The following DHX57 variants were observed in gnomAD, a reference collection of about 807,000 sequenced individuals.
DHX57 encodes the protein DExH-box helicase 57, also known as putative ATP-dependent RNA helicase DHX57.
DHX57 carries 105 observed loss-of-function variants against 156.2 expected under a neutral mutation model. That is an observed-to-expected ratio of 0.67 (90% confidence interval 0.57 to 0.79). DHX57 has a LOEUF of 0.79. Among genes scored for constraint, DHX57 ranks in the 30% least tolerant of loss-of-function variants. The pLI is 0.00. For synonymous variants in DHX57, 704 were observed against 595.6 expected (o/e 1.18, Z -2.65); for missense variants, 1,847 against 1,661.9 (o/e 1.11, Z -1.94).
In DHX57 at chr2:38,861,681, C is replaced by G; in HGVS notation, c.729G>C (p.Glu243Asp). Residue 243 changes from glutamate (E) to aspartate (D), a missense_variant, in exon 5 of 24, where the codon GAG becomes GAC. Physicochemically the swap from Glu to Asp is conservative, Grantham distance 45 (BLOSUM62 2). Transcript: ENST00000457308. ...CCTCTTCCTGTCGCTGTTCCATACA[C>G]TCATCCAAGCTTATCTGGTTGACTG... ...SEAVNQISLDECMEQRQEEAF... is the reference protein window; with the variant it reads ...SEAVNQISLDDCMEQRQEEAF... 6.2e-7 allele frequency: 1 copy of G among 1,614,196 alleles called. No individual in the cohort carries two copies. Among genetic ancestry groups the G allele is most frequent in the Non-Finnish European group, 8.5e-7 (1 of 1,180,040 alleles).
intron 20 of DHX57, among the ~76,000 whole-genome samples, chr2:38,814,306 C>CA (rs1034271819): frequency 1.7e-4 from 25 of 151,206 alleles, no homozygotes; most frequent in Non-Finnish European, 2.1e-4. Flanking sequence ...TATCTTAAAG[C>CA]AAAAAAAAGA....
At chr2:38,847,849 C>T (rs1299312553) in intron 10 of DHX57, among the ~76,000 whole-genome samples, 2 of 151,844 alleles carry the variant, frequency 1.3e-5, no homozygotes, top group Non-Finnish European at 2.9e-5. Flanking sequence ...TTTGGGAGGC[C>T]GAGGCGGGCA....
chr2:38,834,315 G>C (rs1028067458), intron 13 of DHX57, among the ~76,000 whole-genome samples: 1 of 94,000 alleles, frequency 1.1e-5, no homozygotes, highest in African/African-American at 4.1e-5. Flanking sequence ...TGGTCAACAA[G>C]AGCAAAACTC....
chr2:38,875,190 C>T (rs1362031436), intron 1 of DHX57, among the ~76,000 whole-genome samples: 1 of 152,220 alleles, frequency 6.6e-6, no homozygotes, highest in Non-Finnish European at 1.5e-5. Context: ...GTATAATCCA[C>T]GTGGTTAGAT....
Position 38,805,793 on chromosome 2 carries a change from T to C in DHX57, c.3816+766A>G, listed in dbSNP as rs17576741. Among the ~76,000 whole-genome samples the C allele has an allele frequency of 2.1e-3, 312 of 152,184 alleles. 15 individuals are homozygous for C. In the East Asian group the frequency reaches 0.056, roughly 27 times the overall value. ...ACTAAAAGACTTCTAGCTGATGTTTTCCAGCAGGAGAGCTCAGAAAAAAAC... is the reference window on the plus strand; with the variant it reads ...ACTAAAAGACTTCTAGCTGATGTTTCCCAGCAGGAGAGCTCAGAAAAAAAC... On this transcript the variant is annotated intron_variant, in intron 22 of 23. Transcript: ENST00000457308.
rs148847883 is a variant in DHX57 at position 38,875,420 on chromosome 2, C to A, written c.-7+367G>T. 2.0e-5 allele frequency among the ~76,000 whole-genome samples: 3 copies of A among 152,252 alleles called. No individual in the cohort carries two copies. The East Asian group carries it at 5.8e-4, about 29-fold the overall frequency. ...CTCGTATCCTTTTTCGAACTCACATCGTCCCCACCCTTCTCCCCAAAAAAG... is the reference window on the plus strand; with the variant it reads ...CTCGTATCCTTTTTCGAACTCACATAGTCCCCACCCTTCTCCCCAAAAAAG... On this transcript the variant is annotated intron_variant, in intron 1 of 23. Coordinates refer to ENST00000457308, the MANE Select transcript of DHX57 (RefSeq NM_198963.3).
At chr2:38,875,497 A>G (rs1456652509) in intron 1 of DHX57, among the ~76,000 whole-genome samples, 1 of 152,144 alleles carries the variant, frequency 6.6e-6, no homozygotes, top group East Asian at 1.9e-4. Flanking sequence ...TCAACCCCTT[A>G]GCCTGCTCCA....
chr2:38,808,986 A>C (rs1308233809), intron 21 of DHX57, among the ~76,000 whole-genome samples: 1 of 151,954 alleles, frequency 6.6e-6, no homozygotes, highest in East Asian at 1.9e-4. Context: ...GTGGCTATAC[A>C]CAGGCACAGT....
intron 23 of DHX57, among the ~76,000 whole-genome samples, chr2:38,802,292 T>C (rs1669718819): frequency 6.6e-6 from 1 of 151,424 alleles, no homozygotes; most frequent in Admixed American, 6.6e-5. Context: ...CATTCACTTT[T>C]TTTTTTTTTT....
intron 17 of DHX57, among the ~76,000 whole-genome samples, chr2:38,819,602 C>T (rs758390361): frequency 3.5e-4 from 54 of 152,168 alleles, no homozygotes; most frequent in South Asian, 6.2e-4. Flanking sequence ...GCAATTATGA[C>T]GGTAAATGGC....
At chr2:38,800,185 CAAAAA>C (rs55726914) in intron 23 of DHX57, among the ~76,000 whole-genome samples, 1 of 93,484 alleles carries the variant, frequency 1.1e-5, no homozygotes, top group Admixed American at 1.2e-4. Flanking sequence ...AACTCCATCT[CAAAAA>C]AAAAAAAAAA....
At chr2:38,838,507 C>G (rs12623330) in intron 12 of DHX57, among the ~76,000 whole-genome samples, 87,155 of 152,054 alleles carry the variant, frequency 0.57, 26,106 homozygotes, top group East Asian at 0.82. Flanking sequence ...AGATGGGCCA[C>G]TTTTTACTCT....
intron 21 of DHX57, chr2:38,811,597 T>A: frequency 7.3e-7 from 1 of 1,371,624 alleles, no homozygotes; most frequent in Non-Finnish European, 1.0e-6. Flanking sequence ...CACACGAGGA[T>A]GCAGGAGGTG....
In DHX57 at chr2:38,847,533, C is replaced by T. The variant is rs1310093210; in HGVS notation, c.2165-460G>A. Among the ~76,000 whole-genome samples, 60 of 152,174 alleles carry T rather than the reference C, an allele frequency of 3.9e-4. 1 individual carries two copies. Among genetic ancestry groups the T allele is most frequent in the Admixed American group, 3.9e-3 (60 of 15,264 alleles). On this transcript the variant is annotated intron_variant, in intron 10 of 23. Coordinates refer to ENST00000457308, the MANE Select transcript of DHX57 (RefSeq NM_198963.3). ...TCAATTGAAGAAGGATAAATCAAAG[C>T]TCAGGGTGATAAATTAATTCCACAA... is the stretch of plus-strand genomic sequence containing the variant.
intron 2 of DHX57, among the ~76,000 whole-genome samples, chr2:38,865,699 C>G (rs1266178143): frequency 6.6e-6 from 1 of 152,144 alleles, no homozygotes; most frequent in Non-Finnish European, 1.5e-5. Context: ...CCTAGAGTGT[C>G]CCAGGGCTCA....
At chr2:38,807,072 T>TTG (rs1558353540) in intron 21 of DHX57, among the ~76,000 whole-genome samples, 3 of 148,130 alleles carry the variant, frequency 2.0e-5, no homozygotes, top group Non-Finnish European at 1.5e-5. Context: ...TTGTTTTTTT[T>TTG]GAGACCGAGT....
At chr2:38,870,184 T>G (rs907862964) in intron 1 of DHX57, among the ~76,000 whole-genome samples, 2 of 151,030 alleles carry the variant, frequency 1.3e-5, no homozygotes, top group Admixed American at 6.6e-5. Context: ...GAACGATAAA[T>G]GAAGAAAAGT....
At position 38,861,504 on chromosome 2, in the gene DHX57, A is replaced by G. The variant is rs1673205905; in HGVS notation, c.906T>C (p.Leu302=). The G allele has an allele frequency of 6.2e-7, 1 of 1,614,122 alleles. No homozygotes were observed. ...CTTTGAGGTAAAATTTACAGATTTC[A>G]AGTGAATTCTCTTGTACATTTTTGG... ...ESTKNVQENS[L]EICKFYLKGN... The change falls in exon 5 of 24, where the codon CTT becomes CTC. Residue 302 remains leucine, a synonymous_variant. Coordinates refer to ENST00000457308, the MANE Select transcript of DHX57 (RefSeq NM_198963.3).
intron 9 of DHX57, among the ~76,000 whole-genome samples, chr2:38,851,755 G>C (rs1486186182): frequency 6.6e-6 from 1 of 152,084 alleles, no homozygotes; most frequent in African/African-American, 2.4e-5. Context: ...AATTATACTG[G>C]ATATAGGTTT....
Sources: gnomAD v4.1 joint callset for allele counts (sites outside exome capture counted in the v4.1 genomes callset) on GRCh38, gnomAD v4.1.1 for gene constraint, MANE v1.5 for transcripts, NCBI Gene and HGNC (gene_info 2026-07-23, HGNC 2026-07-21) for gene names.